Variants in KANK1 observed in about 807,000 individuals in gnomAD.
KANK1 encodes KN motif and ankyrin repeat domain-containing protein 1.
In KANK1, 109 loss-of-function variants were observed where a neutral mutation model predicts 106.2. The ratio of observed to expected loss-of-function variants is 1.03; its 90% CI spans 0.88 to 1.20. KANK1 has a LOEUF of 1.20. Ranked by LOEUF, KANK1 falls within the 50% of genes most tolerant of loss-of-function variation. The pLI, the probability that KANK1 is intolerant of heterozygous loss-of-function variation, is 0.00. For synonymous variants in KANK1, 873 were observed against 652.2 expected, an observed-to-expected ratio of 1.34 and a Z score of -5.16; for missense variants, 2,399 against 1,710.7, an observed-to-expected ratio of 1.40 and a Z score of -7.10.
chr9:645,728 G>A (rs1454654352), intron 1 of KANK1, among the ~76,000 whole-genome samples: 10 of 150,592 alleles, frequency 6.6e-5, no homozygotes, highest in African/African-American at 2.5e-5. Flanking sequence ...CTAAAAATAC[G>A]GAAATTAGCC....
intron 1 of KANK1, among the ~76,000 whole-genome samples, chr9:542,103 A>G (rs2060638669): frequency 2.0e-5 from 3 of 150,062 alleles, no homozygotes; most frequent in Non-Finnish European, 4.5e-5. Context: ...AAAAAAAATG[A>G]ACAGAGGACC....
At position 574,862 on chromosome 9, in the gene KANK1, A is replaced by G. The variant is rs562413205; in HGVS notation, c.-84+70108A>G. Among the ~76,000 whole-genome samples the G allele has an allele frequency of 1.2e-4, 18 of 151,738 alleles. No individual in the cohort carries two copies. In the East Asian group the frequency reaches 3.3e-3, roughly 28 times the overall value. ...AGAGTGAGACTCCGTCTCAAAAAAAAAAAAAAAAGAAAAAAAATATTTTTT... is the reference window on the plus strand; with the variant it reads ...AGAGTGAGACTCCGTCTCAAAAAAAGAAAAAAAAGAAAAAAAATATTTTTT... On this transcript the variant is annotated intron_variant, in intron 1 of 11. Transcript: ENST00000382297.
At chr9:739,277 T>C (rs968291503) in intron 8 of KANK1, among the ~76,000 whole-genome samples, 1 of 152,230 alleles carries the variant, frequency 6.6e-6, no homozygotes, top group Non-Finnish European at 1.5e-5. Context: ...ATTTCTAGTA[T>C]GTGACAGAGA....
rs575697158 is a variant in KANK1, at chr9:590,580, CCT to C, written c.-84+85827_-84+85828del. ...GAAAGATGTATCGATAAATAAAAGA[CCT>C]GTTAAAAATATGTAACTTTACCACC... On this transcript the variant is annotated intron_variant, in intron 1 of 11. Transcript: ENST00000382297. Among the ~76,000 whole-genome samples the C allele has an allele frequency of 1.9e-4, 29 of 152,042 alleles. 1 individual carries two copies. In the East Asian group the frequency reaches 3.1e-3, roughly 16 times the overall value.
At chr9:599,844 C>T (rs1827269693) in intron 1 of KANK1, among the ~76,000 whole-genome samples, 1 of 151,760 alleles carries the variant, frequency 6.6e-6, no homozygotes. Flanking sequence ...TGGAACCAGT[C>T]CTCCTTGTAT....
intron 1 of KANK1, among the ~76,000 whole-genome samples, chr9:600,054 A>G (rs1349032754): frequency 3.3e-5 from 5 of 151,856 alleles, no homozygotes; most frequent in African/African-American, 1.2e-4. Flanking sequence ...TGTGTTAGGC[A>G]TAACACATAA....
At chr9:655,001 G>C (rs965838190) in intron 1 of KANK1, among the ~76,000 whole-genome samples, 2 of 152,072 alleles carry the variant, frequency 1.3e-5, no homozygotes, top group African/African-American at 4.8e-5. Flanking sequence ...GAGGAGCTTT[G>C]AAATATACTT....
intron 3 of KANK1, 76 bp downstream of exon 3, chr9:713,540 T>C (rs1019272703): frequency 7.5e-6 from 11 of 1,469,324 alleles, no homozygotes; most frequent in Middle Eastern, 5.0e-4. Flanking sequence ...GGATTATTTT[T>C]TAACTGCTGG....
chr9:732,512 C>T lies in KANK1; in HGVS notation c.3140C>T (p.Ala1047Val). Residue 1047 changes from alanine to valine, a missense_variant, in exon 6 of 12, where the codon GCA (alanine) becomes GTA (valine). Transcript: ENST00000382297. ...EEEDEDTRGM[A>V]EGHHAVNIEG... Reference sequence around the variant, plus strand: ...GAGGATGAAGACACTCGGGGAATGGCAGAAGGGCACCATGCAGTTAATATT... The same window carrying T: ...GAGGATGAAGACACTCGGGGAATGGTAGAAGGGCACCATGCAGTTAATATT... The T allele has an allele frequency of 6.2e-7, 1 of 1,614,014 alleles. No homozygotes were observed. The highest frequency in any genetic ancestry group is 1.3e-5 in the African/African-American group (1 of 74,980).
At chr9:684,251 A>G (rs1410089216) in intron 2 of KANK1, 1 of 985,302 alleles carries the variant, frequency 1.0e-6, no homozygotes, top group Non-Finnish European at 1.2e-6. Flanking sequence ...CAGCTAAGCC[A>G]AGAAAGGATG....
At chr9:479,500 T>C (rs1230349042) in intron 3 of KANK1, among the ~76,000 whole-genome samples, 5 of 147,140 alleles carry the variant, frequency 3.4e-5, no homozygotes, top group Non-Finnish European at 7.4e-5. Flanking sequence ...ATTTTCCAAA[T>C]GGGGACGGAG....
At chr9:528,010 ATAGTCCCAGC>A (rs1490800030) in intron 1 of KANK1, among the ~76,000 whole-genome samples, 4 of 151,884 alleles carry the variant, frequency 2.6e-5, no homozygotes, top group Non-Finnish European at 4.4e-5. Context: ...GGGCGCCTGT[ATAGTCCCAGC>A]TACTCGGGAG....
intron 1 of KANK1, among the ~76,000 whole-genome samples, chr9:567,316 C>G (rs1242505152): frequency 6.6e-6 from 1 of 152,162 alleles, no homozygotes; most frequent in African/African-American, 2.4e-5. Flanking sequence ...GGATTGCCTT[C>G]TATGCCTACA....
Position 738,326 on chromosome 9 carries a change from G to T in KANK1, c.3375G>T (p.Val1125=), listed in dbSNP as rs1834348226. The change falls in exon 8 of 12, where the codon GTG becomes GTT. Residue 1125 remains valine (V), a synonymous_variant. Coordinates refer to ENST00000382297, the MANE Select transcript of KANK1 (RefSeq NM_015158.5). ...LNTLQHEWFR[V]SSQKSAIPAM... ...CCCTCCAGCACGAGTGGTTCCGCGT[G>T]TCCAGTCAGAAGTCAGCCATTCCAG... is the stretch of plus-strand genomic sequence containing the variant. 1 of 1,613,968 alleles carries T rather than the reference G, an allele frequency of 6.2e-7. No homozygotes were observed.
intron 1 of KANK1, among the ~76,000 whole-genome samples, chr9:631,740 C>T (rs1312060486): frequency 6.6e-6 from 1 of 152,212 alleles, no homozygotes; most frequent in African/African-American, 2.4e-5. Flanking sequence ...GCATATTTAA[C>T]TCCTCACACA....
chr9:508,562 C>CA (rs2058882527), intron 1 of KANK1, among the ~76,000 whole-genome samples: 1 of 146,294 alleles, frequency 6.8e-6, no homozygotes, highest in African/African-American at 2.8e-5. Flanking sequence ...ATACTCTTGT[C>CA]CAATCACTGC....
intron 3 of KANK1, among the ~76,000 whole-genome samples, chr9:722,384 C>G (rs944278924): frequency 6.6e-6 from 1 of 152,062 alleles, no homozygotes; most frequent in East Asian, 1.9e-4. Flanking sequence ...CTGGACCCAT[C>G]CAGATCATTG....
chr9:542,373 T>C (rs2060655341), intron 1 of KANK1, among the ~76,000 whole-genome samples: 1 of 152,200 alleles, frequency 6.6e-6, no homozygotes, highest in African/African-American at 2.4e-5. Flanking sequence ...TCATCTCACA[T>C]CTACTAGAAT....
chr9:600,443 AAAAG>A (rs1376186149), intron 1 of KANK1, among the ~76,000 whole-genome samples: 1 of 151,920 alleles, frequency 6.6e-6, no homozygotes, highest in Non-Finnish European at 1.5e-5. Context: ...AGAAAGAAGA[AAAAG>A]AAGGGTATGT....
Sources: gnomAD v4.1 joint callset for allele counts (sites outside exome capture counted in the v4.1 genomes callset) on GRCh38, gnomAD v4.1.1 for gene constraint, MANE v1.5 for transcripts, NCBI Gene and HGNC (gene_info 2026-07-23, HGNC 2026-07-21) for gene names.